NELL1: variants seen among roughly 807,000 people sequenced by gnomAD.
The protein encoded by NELL1 is neural EGFL like 1.
NELL1 carries 76 observed loss-of-function variants against 107.4 expected under a neutral mutation model. The observed-to-expected ratio is 0.71, with a 90% CI of 0.59 to 0.86. The LOEUF is 0.86. Ranked by LOEUF, NELL1 falls within the 40% of genes least tolerant of loss-of-function variation. NELL1 has a pLI of 0.00. For missense variants in NELL1, 1,024 were observed against 1,005.5 expected (o/e 1.02, Z -0.25); for synonymous variants, 353 against 341.2 (o/e 1.03, Z -0.38).
chr11:20,763,723 C>T (rs1259966678), intron 2 of NELL1, among the ~76,000 whole-genome samples: 1 of 152,232 alleles, frequency 6.6e-6, no homozygotes, highest in Non-Finnish European at 1.5e-5. Flanking sequence ...GGGACTCATA[C>T]TACAGTGACA....
At chr11:20,740,608 G>A (rs1255357521) in intron 2 of NELL1, among the ~76,000 whole-genome samples, 1 of 152,060 alleles carries the variant, frequency 6.6e-6, no homozygotes, top group Non-Finnish European at 1.5e-5. Flanking sequence ...TGCTGATGCT[G>A]GTGTCCCAAG....
chr11:20,820,022 C>G (rs1481418021), intron 3 of NELL1, among the ~76,000 whole-genome samples: 4 of 152,148 alleles, frequency 2.6e-5, no homozygotes, highest in African/African-American at 9.7e-5. Flanking sequence ...TCAATCTAGA[C>G]TGTAGTGACA....
At chr11:21,374,121 AAATC>A (rs1360774036) in intron 15 of NELL1, among the ~76,000 whole-genome samples, 1 of 152,158 alleles carries the variant, frequency 6.6e-6, no homozygotes, top group Non-Finnish European at 1.5e-5. Context: ...AAACAGCAGA[AAATC>A]ACCCTCTAAG....
chr11:20,960,185 A>G (rs1026301502), intron 11 of NELL1, among the ~76,000 whole-genome samples: 1 of 152,198 alleles, frequency 6.6e-6, no homozygotes, highest in Non-Finnish European at 1.5e-5. Flanking sequence ...ATCAGCATGG[A>G]TAAAAGCATT....
At chr11:21,262,346 C>T (rs868634305) in intron 14 of NELL1, among the ~76,000 whole-genome samples, 2 of 151,700 alleles carry the variant, frequency 1.3e-5, no homozygotes, top group South Asian at 2.1e-4. Flanking sequence ...ATGTACTGTG[C>T]TTACTTTTCT....
rs553453424 is a variant in NELL1 at position 20,770,964 on chromosome 11, G to A, written c.185-12716G>A. 9 of 144,552 alleles carry A rather than the reference G, an allele frequency of 6.2e-5. No individual in the cohort carries two copies. The South Asian group carries it at 1.8e-3, about 28-fold the overall frequency. The allele number at this position is 144,552 out of a possible 1,614,324, so 9.0% of individuals were successfully genotyped here. A position where few individuals can be genotyped will look rare whatever the true frequency, so the allele number is the denominator to read the frequency against. On this transcript the variant is annotated intron_variant, in intron 2 of 19. Transcript: ENST00000357134. ...AGCCAGATCTGCACTGGACAGAGGG[G>A]TCTTTCCAGAAACAACCTGCACAGT...
At chr11:21,396,356 A>C (rs1851980543) in intron 15 of NELL1, among the ~76,000 whole-genome samples, 2 of 151,654 alleles carry the variant, frequency 1.3e-5, no homozygotes, top group Non-Finnish European at 3.0e-5. Context: ...GGCAAAAAAT[A>C]TAAAAGAATC....
chr11:20,848,167 C>G (rs1848734871), intron 4 of NELL1, among the ~76,000 whole-genome samples: 1 of 152,210 alleles, frequency 6.6e-6, no homozygotes, highest in African/African-American at 2.4e-5. Context: ...GCCACTGAAG[C>G]AGCTAATTCT....
chr11:21,414,675 A>G (rs1286734386), intron 15 of NELL1, among the ~76,000 whole-genome samples: 1 of 152,118 alleles, frequency 6.6e-6, no homozygotes, highest in African/African-American at 2.4e-5. Flanking sequence ...TCTTCTGATT[A>G]TGATTTTCAC....
chr11:20,669,905 C>T lies in NELL1; in HGVS notation c.55+127C>T. 1.3e-6 allele frequency: 1 copy of T among 766,226 alleles called. No homozygotes were observed. Among genetic ancestry groups the T allele is most frequent in the Non-Finnish European group, 2.3e-6 (1 of 436,006 alleles). 47.5% of individuals were successfully genotyped at this position (766,226 alleles called of 1,614,324 possible). On this transcript the variant is annotated intron_variant, in intron 1 of 19. Transcript: ENST00000357134. The surrounding 1 kb of genome is among the most constrained non-coding windows in gnomAD (Gnocchi z 4.4). ...GAACGGCGGTAGCGTGGACCGGTTC[C>T]TGGGATCTCTTTGCCCTGCTCGGAG... is the stretch of plus-strand genomic sequence containing the variant.
intron 18 of NELL1, among the ~76,000 whole-genome samples, chr11:21,572,346 C>A (rs1857116820): frequency 6.6e-6 from 1 of 151,808 alleles, no homozygotes; most frequent in African/African-American, 2.4e-5. Context: ...TACTGTGGGT[C>A]ATACTTAATA....
chr11:21,088,142 A>G (rs995127795), intron 12 of NELL1, among the ~76,000 whole-genome samples: 4 of 150,362 alleles, frequency 2.7e-5, no homozygotes, highest in Non-Finnish European at 4.4e-5. Context: ...AATAAAGGCT[A>G]TTGTTCTAGA....
intron 10 of NELL1, among the ~76,000 whole-genome samples, chr11:20,945,677 A>G (rs1850947824): frequency 1.3e-5 from 2 of 152,204 alleles, no homozygotes; most frequent in South Asian, 2.1e-4. Context: ...TGCTGATAGT[A>G]AGGTTACTAA....
chr11:21,531,997 C>G (rs1324426356), intron 15 of NELL1, among the ~76,000 whole-genome samples: 1 of 152,174 alleles, frequency 6.6e-6, no homozygotes, highest in Non-Finnish European at 1.5e-5. Context: ...GAGCCCCTCT[C>G]AAGTACAATA....
At chr11:21,448,236 C>T (rs761931886) in intron 15 of NELL1, among the ~76,000 whole-genome samples, 2 of 151,992 alleles carry the variant, frequency 1.3e-5, no homozygotes, top group Non-Finnish European at 2.9e-5. Context: ...ATTTGGTGTT[C>T]CTGTGGGGAG....
intron 13 of NELL1, among the ~76,000 whole-genome samples, chr11:21,121,042 A>T (rs1003478577): frequency 1.3e-4 from 20 of 152,242 alleles, no homozygotes; most frequent in Admixed American, 3.3e-4. Flanking sequence ...GGAATCTGGG[A>T]TCTATCCCCA....
intron 12 of NELL1, among the ~76,000 whole-genome samples, chr11:21,029,572 T>C (rs891439302): frequency 1.3e-5 from 2 of 152,146 alleles, no homozygotes; most frequent in African/African-American, 4.8e-5. Context: ...TGCAAATGCC[T>C]GACCTGCTAG....
chr11:21,575,128 AC>A lies in NELL1; in HGVS notation c.*108del. 9.5e-7 allele frequency: 1 copy of A among 1,047,706 alleles called. No homozygotes were observed. Among genetic ancestry groups the A allele is most frequent in the Non-Finnish European group, 1.5e-6 (1 of 688,792 alleles). The allele number at this position is 1,047,706 out of a possible 1,614,324, so 64.9% of individuals were successfully genotyped here. A position where few individuals can be genotyped will look rare whatever the true frequency, so the allele number is the denominator to read the frequency against. On this transcript the variant is annotated 3_prime_UTR_variant, in exon 20 of 20. Coordinates refer to ENST00000357134, the MANE Select transcript of NELL1 (RefSeq NM_006157.5). ...TTTTTTTGTTTGTTTTGTTTTTTTAACCACAGATAATTGCCAAAGTTTCCAC... is the reference window on the plus strand; with the variant it reads ...TTTTTTTGTTTGTTTTGTTTTTTTAACACAGATAATTGCCAAAGTTTCCAC...
At chr11:21,463,931 G>T (rs1853961321) in intron 15 of NELL1, among the ~76,000 whole-genome samples, 1 of 152,024 alleles carries the variant, frequency 6.6e-6, no homozygotes, top group Admixed American at 6.6e-5. Context: ...CTGAAAACTG[G>T]GCTGGGATGA....
Sources: allele counts gnomAD v4.1 joint callset (sites outside exome capture counted in the v4.1 genomes callset), GRCh38; gene constraint gnomAD v4.1.1; non-coding constraint Gnocchi (gnomAD v3.1); transcripts MANE v1.5; gene names NCBI Gene and HGNC (gene_info 2026-07-23, HGNC 2026-07-21).